AZGP1: variants seen among roughly 807,000 people sequenced by gnomAD.
The protein encoded by AZGP1 is zinc-alpha-2-glycoprotein.
A neutral mutation model predicts 31.5 loss-of-function variants in AZGP1; 28 were observed. The observed-to-expected ratio is 0.89, with a 90% confidence interval of 0.66 to 1.22. AZGP1 has a LOEUF of 1.22. Ranked by LOEUF, AZGP1 falls within the 50% of genes most tolerant of loss-of-function variation. The pLI, the probability that AZGP1 is intolerant of heterozygous loss-of-function variation, is 0.00. For synonymous variants in AZGP1, 135 were observed against 145.4 expected (o/e 0.93, Z 0.51); for missense variants, 361 against 371.8 (o/e 0.97, Z 0.24).
intron 1 of AZGP1, among the ~76,000 whole-genome samples, chr7:99,972,963 A>C (rs1987580): frequency 0.24 from 36,482 of 152,010 alleles, 4,832 homozygotes; most frequent in South Asian, 0.29. Flanking sequence ...TAAGAATTCA[A>C]AAAATTAGCC....
intron 1 of AZGP1, 105 bp downstream of exon 1, chr7:99,975,840 T>C: frequency 7.9e-7 from 1 of 1,271,606 alleles, no homozygotes; most frequent in Non-Finnish European, 1.1e-6. Context: ...TCCTGCCGTA[T>C]GCCAGGGTAT....
Position 99,966,878 on chromosome 7 carries a change from C to T in AZGP1, c.*125G>A, listed in dbSNP as rs1289864924. ...GTCTCCAAATCCACCTCCTGTCTGT[C>T]CCCCCACACTGCTCCTCAGGCCTTG... On this transcript the variant is annotated 3_prime_UTR_variant, in exon 4 of 4. Transcript: ENST00000292401. 6 of 1,369,584 alleles carry T rather than the reference C, an allele frequency of 4.4e-6. No individual in the cohort carries two copies. The highest frequency in any genetic ancestry group is 1.5e-5 in the African/African-American group (1 of 68,752). The allele number at this position is 1,369,584 out of a possible 1,614,324, so 84.8% of individuals were successfully genotyped here. A position where few individuals can be genotyped will look rare whatever the true frequency, so the allele number is the denominator to read the frequency against.
chr7:99,975,943 A>G lies in AZGP1; in HGVS notation c.76+2T>C, dbSNP rs1789654188. 2 of 1,613,432 alleles carry G rather than the reference A, an allele frequency of 1.2e-6. No homozygotes were observed. The highest frequency in any genetic ancestry group is 1.7e-6 in the Non-Finnish European group (2 of 1,179,888). The stretch of plus-strand genomic sequence containing the variant: ...CACCCATCCCTTGCTTTCCCCACTC[A>G]CCATCTTGGTTCTCCTGGGGGACAG... On this transcript the variant is annotated splice_donor_variant, in intron 1 of 3. Coordinates refer to ENST00000292401, the MANE Select transcript of AZGP1 (RefSeq NM_001185.4). LOFTEE classifies it high-confidence loss of function.
At chr7:99,971,679 C>T in intron 2 of AZGP1, 67 bp downstream of exon 2, 2 of 1,537,168 alleles carry the variant, frequency 1.3e-6, no homozygotes, top group Non-Finnish European at 1.8e-6. Context: ...TGATCCCTTG[C>T]CACTCACACT....
intron 2 of AZGP1, among the ~76,000 whole-genome samples, chr7:99,970,395 C>G (rs929736810): frequency 1.3e-5 from 2 of 152,022 alleles, no homozygotes; most frequent in Non-Finnish European, 2.9e-5. Flanking sequence ...AGACGTGTGC[C>G]ACCATGCCAG....
rs935421477 is a variant in AZGP1 at position 99,968,950 on chromosome 7, G to A, written c.338-520C>T. 5.6e-5 allele frequency among the ~76,000 whole-genome samples: 5 copies of A among 88,878 alleles called. No individual in the cohort carries two copies. The East Asian group carries it at 1.1e-3, about 19-fold the overall frequency. 58.3% of individuals were successfully genotyped at this position (88,878 alleles called of 152,430 possible). A position where few individuals can be genotyped will look rare whatever the true frequency, so the allele number is the denominator to read the frequency against. On this transcript the variant is annotated intron_variant, in intron 2 of 3. Transcript: ENST00000292401. ...TGCATTTCAGCCTGGGTGACAGAGTGAGACCCTATCTCAAAAAAAAAAAAA... is the reference window on the plus strand; with the variant it reads ...TGCATTTCAGCCTGGGTGACAGAGTAAGACCCTATCTCAAAAAAAAAAAAA...
chr7:99,970,313 G>A (rs1263613340), intron 2 of AZGP1, among the ~76,000 whole-genome samples: 1 of 151,992 alleles, frequency 6.6e-6, no homozygotes, highest in Non-Finnish European at 1.5e-5. Flanking sequence ...GTAGGATTTT[G>A]GCTCACTGTA....
intron 2 of AZGP1, chr7:99,968,652 G>A (rs1364674164): frequency 3.3e-6 from 2 of 599,106 alleles, no homozygotes; most frequent in African/African-American, 1.9e-5. Flanking sequence ...TGTCTCAGAT[G>A]AGATATGTTC....
At chr7:99,972,889 G>A (rs892564665) in intron 1 of AZGP1, among the ~76,000 whole-genome samples, 14 of 152,098 alleles carry the variant, frequency 9.2e-5, no homozygotes, top group Admixed American at 7.2e-4. Flanking sequence ...GGGCCGAGGC[G>A]GGTGGATCAC....
At chr7:99,973,116 C>A (rs77217948) in intron 1 of AZGP1, among the ~76,000 whole-genome samples, 16 of 146,246 alleles carry the variant, frequency 1.1e-4, no homozygotes, top group Admixed American at 2.0e-4. Context: ...GGCTCCATCT[C>A]AAAAAAAAAA....
chr7:99,969,897 A>C (rs961993983), intron 2 of AZGP1, among the ~76,000 whole-genome samples: 1 of 152,208 alleles, frequency 6.6e-6, no homozygotes, highest in Admixed American at 6.5e-5. Context: ...CATTAGCCAC[A>C]ACTCTCAGAA....
chr7:99,967,928 AG>A (rs1260575483), intron 3 of AZGP1: 1 of 654,954 alleles, frequency 1.5e-6, no homozygotes, highest in African/African-American at 1.8e-5. Flanking sequence ...ACACTCATCA[AG>A]AAAGAATGGC....
intron 1 of AZGP1, among the ~76,000 whole-genome samples, chr7:99,974,051 T>C (rs1314900155): frequency 6.6e-6 from 1 of 151,858 alleles, no homozygotes; most frequent in Non-Finnish European, 1.5e-5. Flanking sequence ...AGTGAGTGGA[T>C]CACTTGAGGT....
intron 2 of AZGP1, among the ~76,000 whole-genome samples, chr7:99,969,061 G>C (rs1789539819): frequency 6.8e-6 from 1 of 146,640 alleles, no homozygotes. Context: ...ATCACCTTAG[G>C]TCATGAGTTC....
Position 99,967,031 on chromosome 7 carries a change from G to A in AZGP1, c.869C>T (p.Pro290Leu). The A allele has an allele frequency of 1.9e-6, 3 of 1,614,046 alleles. No individual in the cohort carries two copies. The highest frequency in any genetic ancestry group is 1.7e-5 in the Admixed American group (1 of 60,016). Residue 290 changes from proline (P) to leucine (L), a missense_variant, in exon 4 of 4, where the codon CCC becomes CTC. By Grantham distance (98) the Pro-to-Leu change is moderately conservative. Coordinates refer to ENST00000292401, the MANE Select transcript of AZGP1 (RefSeq NM_001185.4). The stretch of plus-strand genomic sequence containing the variant: ...GCTGGCCTCCCAGGGCACCACGAGG[G>A]GCTGGGCCAGGCTGCTGTGCTGCAC... Reference protein sequence around the residue: ...CHVQHSSLAQPLVVPWEAS With the variant: ...CHVQHSSLAQLLVVPWEAS
At chr7:99,967,440 G>A (rs1789503383) in intron 3 of AZGP1, 154 bp from the exon 4 acceptor site, 2 of 850,478 alleles carry the variant, frequency 2.4e-6, no homozygotes, top group African/African-American at 1.7e-5. Flanking sequence ...CAGAATATCA[G>A]GGAAGGCTGA....
Position 99,966,928 on chromosome 7 carries a change from T to A in AZGP1, c.*75A>T. ...GTGGATCCATTGACTGTGATTTCTG[T>A]GGTTCAGCTCCCACATCAGGCAGGA... On this transcript the variant is annotated 3_prime_UTR_variant, in exon 4 of 4. Coordinates refer to ENST00000292401, the MANE Select transcript of AZGP1 (RefSeq NM_001185.4). 6.5e-7 allele frequency: 1 copy of A among 1,539,630 alleles called. No individual in the cohort carries two copies. The highest frequency in any genetic ancestry group is 8.8e-7 in the Non-Finnish European group (1 of 1,135,062).
chr7:99,967,546 A>G, intron 3 of AZGP1: 1 of 536,332 alleles, frequency 1.9e-6, no homozygotes, highest in African/African-American at 1.9e-5. Flanking sequence ...GTTTTCCCAC[A>G]TCTCAGTGGG....
At chr7:99,973,777 G>A (rs753767336) in intron 1 of AZGP1, among the ~76,000 whole-genome samples, 23 of 151,656 alleles carry the variant, frequency 1.5e-4, no homozygotes, top group Non-Finnish European at 1.0e-4. Flanking sequence ...TTAGCCGGGC[G>A]TGGTGGCACA....
Sources: gnomAD v4.1 joint callset for allele counts (sites outside exome capture counted in the v4.1 genomes callset) on GRCh38, gnomAD v4.1.1 for gene constraint, MANE v1.5 for transcripts, NCBI Gene and HGNC (gene_info 2026-07-23, HGNC 2026-07-21) for gene names.